MOXD1: variants seen among roughly 807,000 people sequenced by gnomAD.
MOXD1 encodes the protein monooxygenase DBH like 1, also known as DBH-like monooxygenase protein 1.
Under a neutral mutation model 66.6 loss-of-function variants are expected in MOXD1, and 62 were observed. The observed-to-expected ratio is 0.93, with a 90% CI of 0.76 to 1.15. The LOEUF (loss-of-function observed/expected upper bound fraction) is 1.15, where lower values mean the gene tolerates loss of function less well. Among genes scored for constraint, MOXD1 ranks in the 50% most tolerant of loss-of-function variants. MOXD1 has a pLI of 0.00. For missense variants in MOXD1, 847 were observed against 754.6 expected (o/e 1.12, Z -1.44); for synonymous variants, 303 against 281.9 (o/e 1.07, Z -0.75).
chr6:132,383,138 C>T (rs1203294248), intron 1 of MOXD1, among the ~76,000 whole-genome samples: 3 of 152,018 alleles, frequency 2.0e-5, no homozygotes, highest in Admixed American at 6.5e-5. Flanking sequence ...TCAAAAGCCT[C>T]GTTACTTCAA....
intron 4 of MOXD1, among the ~76,000 whole-genome samples, chr6:132,364,186 C>T (rs996345250): frequency 1.3e-5 from 2 of 152,094 alleles, no homozygotes; most frequent in African/African-American, 4.8e-5. Flanking sequence ...TTTATCCTTA[C>T]TTAGACAAGA....
At chr6:132,356,072 C>G (rs1266859790) in intron 4 of MOXD1, among the ~76,000 whole-genome samples, 1 of 152,140 alleles carries the variant, frequency 6.6e-6, no homozygotes, top group African/African-American at 2.4e-5. Context: ...AACTGGTGAC[C>G]TCTGGGGACA....
rs747080589 is a variant in MOXD1, at chr6:132,328,605, A to G, written c.664-11T>C. 1 of 1,611,930 alleles carries G rather than the reference A, an allele frequency of 6.2e-7. No homozygotes were observed. The highest frequency in any genetic ancestry group is 2.2e-5 in the East Asian group (1 of 44,828). ...TATCACTGGCTCAACCTACACGAAC[A>G]TAAATGAGAGGGAGGACACAATAAA... is the stretch of plus-strand genomic sequence containing the variant. On this transcript the variant is annotated splice_polypyrimidine_tract_variant and intron_variant, in intron 4 of 11. Transcript: ENST00000367963.
chr6:132,303,912 G>C, intron 10 of MOXD1, among the ~76,000 whole-genome samples: 1 of 134,608 alleles, frequency 7.4e-6, no homozygotes, highest in Non-Finnish European at 1.6e-5. Flanking sequence ...ACAATTCTCT[G>C]GGTGGCCCTG....
chr6:132,329,141 T>G (rs1455104015), intron 4 of MOXD1, among the ~76,000 whole-genome samples: 2 of 152,042 alleles, frequency 1.3e-5, no homozygotes, highest in Admixed American at 1.3e-4. Context: ...CAGGCCCTGG[T>G]GTGTGATGTT....
chr6:132,331,312 A>T (rs1775312857), intron 4 of MOXD1, among the ~76,000 whole-genome samples: 1 of 152,178 alleles, frequency 6.6e-6, no homozygotes. Context: ...TGAGCTCTGT[A>T]AGGTAGATCT....
chr6:132,397,894 C>T (rs1407960828), intron 1 of MOXD1, among the ~76,000 whole-genome samples: 3 of 152,112 alleles, frequency 2.0e-5, no homozygotes, highest in Admixed American at 2.0e-4. Flanking sequence ...ACTCTTTTTT[C>T]TCATTTTTTA....
intron 1 of MOXD1, among the ~76,000 whole-genome samples, chr6:132,376,760 G>T (rs1396687467): frequency 1.6e-5 from 1 of 60,728 alleles, no homozygotes; most frequent in Admixed American, 1.7e-4. Flanking sequence ...TGATCCGCCC[G>T]CCTCGGCCTC....
Position 132,386,218 on chromosome 6 carries a change from C to T in MOXD1, c.265-11441G>A, listed in dbSNP as rs1323427173. ...GAAATCAAGACCATCCTGGCTAACA[C>T]GGTGAAACCCCGTCTCTACTAAAAA... is the stretch of plus-strand genomic sequence containing the variant. On this transcript the variant is annotated intron_variant, in intron 1 of 11. Transcript: ENST00000367963. 6.4e-4 allele frequency among the ~76,000 whole-genome samples: 93 copies of T among 146,042 alleles called. 2 individuals carry two copies.
chr6:132,326,916 G>A (rs978587742), intron 6 of MOXD1, among the ~76,000 whole-genome samples: 2 of 152,162 alleles, frequency 1.3e-5, no homozygotes, highest in African/African-American at 4.8e-5. Flanking sequence ...TCATGCTGCT[G>A]CAGCCAGAGT....
In MOXD1 at chr6:132,313,393, G is replaced by A. The variant is rs1774873232; in HGVS notation, c.1508+2242C>T. On this transcript the variant is annotated intron_variant, in intron 10 of 11. Transcript: ENST00000367963. ...TGTTATTTGTATTTTATTAGATATA[G>A]GCATTTCTTCTAGTGGTCATTTTGC... is the stretch of plus-strand genomic sequence containing the variant. Among the ~76,000 whole-genome samples, 4 of 152,054 alleles carry A rather than the reference G, an allele frequency of 2.6e-5. No homozygotes were observed. The South Asian group carries it at 8.3e-4, about 32-fold the overall frequency.
intron 4 of MOXD1, among the ~76,000 whole-genome samples, chr6:132,370,591 T>C (rs972287419): frequency 6.6e-6 from 1 of 152,154 alleles, no homozygotes; most frequent in Non-Finnish European, 1.5e-5. Context: ...TTTTAAATTC[T>C]AGCCACCAAA....
intron 8 of MOXD1, 117 bp downstream of exon 8, chr6:132,322,562 T>A (rs138677797): frequency 2.0e-6 from 2 of 991,392 alleles, no homozygotes; most frequent in East Asian, 5.3e-5. Context: ...GTGGGTGGTG[T>A]TAAGAATACA....
Position 132,330,210 on chromosome 6 carries a change from G to A in MOXD1, c.664-1616C>T, listed in dbSNP as rs367640252. 3.5e-4 allele frequency among the ~76,000 whole-genome samples: 54 copies of A among 152,278 alleles called. No homozygotes were observed. In the East Asian group the frequency reaches 7.7e-3, roughly 22 times the overall value. On this transcript the variant is annotated intron_variant, in intron 4 of 11. Transcript: ENST00000367963. ...TCCGTGGCCTGTTAGGAACTAGGCC[G>A]CACAGCAGGAGGTGAGCAGTGGGCA...
At chr6:132,314,985 C>T (rs1774909871) in intron 10 of MOXD1, among the ~76,000 whole-genome samples, 1 of 152,116 alleles carries the variant, frequency 6.6e-6, no homozygotes, top group Non-Finnish European at 1.5e-5. Context: ...TAATCCTTGG[C>T]AGGTGCCTGG....
intron 11 of MOXD1, 64 bp from the exon 12 acceptor site, chr6:132,297,381 C>T (rs143700177): frequency 4.6e-6 from 7 of 1,524,258 alleles, no homozygotes; most frequent in African/African-American, 4.1e-5. Context: ...GTGACCAGGC[C>T]GCTCAGCTGC....
At chr6:132,361,669 C>G (rs1453910423) in intron 4 of MOXD1, among the ~76,000 whole-genome samples, 3 of 152,084 alleles carry the variant, frequency 2.0e-5, no homozygotes, top group Non-Finnish European at 2.9e-5. Flanking sequence ...ACTATCATCA[C>G]AAAAGCCTGG....
At chr6:132,380,853 T>G (rs1449824966) in intron 1 of MOXD1, among the ~76,000 whole-genome samples, 1 of 152,224 alleles carries the variant, frequency 6.6e-6, no homozygotes, top group Non-Finnish European at 1.5e-5. Context: ...CTGCATGATC[T>G]GTCATACAGA....
chr6:132,399,618 A>G (rs930403487), intron 1 of MOXD1, among the ~76,000 whole-genome samples: 2 of 152,210 alleles, frequency 1.3e-5, no homozygotes, highest in Admixed American at 6.5e-5. Context: ...TGGGCTTTCT[A>G]GAAATGCTAC....
Sources: gnomAD v4.1 joint callset for allele counts (sites outside exome capture counted in the v4.1 genomes callset) on GRCh38, gnomAD v4.1.1 for gene constraint, MANE v1.5 for transcripts, NCBI Gene and HGNC (gene_info 2026-07-23, HGNC 2026-07-21) for gene names.